Variants in ASAP1 observed in about 807,000 individuals in gnomAD.
ASAP1 encodes the protein ArfGAP with SH3 domain, ankyrin repeat and PH domain 1.
In ASAP1, 43 loss-of-function variants were observed where a neutral mutation model predicts 145.2. The observed-to-expected ratio is 0.30, with a 90% CI of 0.23 to 0.38. The LOEUF is 0.38. ASAP1 is among the 10% of genes least tolerant of loss of function. The probability of loss-of-function intolerance (pLI) is 1.00; values close to 1 mark genes in which losing one functional copy is unlikely to be tolerated. For missense variants in ASAP1, 1,018 were observed against 1,355.3 expected (o/e 0.75, Z 3.91); for synonymous variants, 546 against 515.5 (o/e 1.06, Z -0.80).
intron 3 of ASAP1, among the ~76,000 whole-genome samples, chr8:130,257,973 T>C (rs1244018801): frequency 6.6e-6 from 1 of 152,216 alleles, no homozygotes; most frequent in Admixed American, 6.5e-5. Flanking sequence ...ATAATATCTT[T>C]TGTAAATTTG....
intron 5 of ASAP1, among the ~76,000 whole-genome samples, chr8:130,193,454 C>A (rs888924300): frequency 6.6e-6 from 1 of 151,904 alleles, no homozygotes; most frequent in Non-Finnish European, 1.5e-5. Flanking sequence ...ACACAGAAAT[C>A]TGTTGATACC....
chr8:130,400,755 C>T (rs1289438435), intron 2 of ASAP1, among the ~76,000 whole-genome samples: 1 of 147,006 alleles, frequency 6.8e-6, no homozygotes, highest in South Asian at 2.1e-4. Context: ...AGCGCCACTG[C>T]GCTCCAGCCT....
At chr8:130,424,595 C>T (rs1047046550) in intron 1 of ASAP1, among the ~76,000 whole-genome samples, 18 of 152,266 alleles carry the variant, frequency 1.2e-4, no homozygotes, top group Middle Eastern at 3.4e-3. Context: ...CACTGCCCTT[C>T]TCAGCAGGTG....
chr8:130,193,615 C>T (rs901138178), intron 5 of ASAP1, among the ~76,000 whole-genome samples: 3 of 151,942 alleles, frequency 2.0e-5, no homozygotes, highest in Admixed American at 6.6e-5. Flanking sequence ...ATAAATAACC[C>T]CTTTTCAACT....
chr8:130,324,117 C>T lies in ASAP1; in HGVS notation c.186+33900G>A, dbSNP rs561379573. 2.6e-5 allele frequency among the ~76,000 whole-genome samples: 4 copies of T among 152,230 alleles called. No individual in the cohort carries two copies. In the South Asian group the frequency reaches 8.3e-4, roughly 32 times the overall value. ...AGTCAATCATCAAATCAGTAGAAGC[C>T]AACTTTCTGTAAAGGGCCTGTGAGT... On this transcript the variant is annotated intron_variant, in intron 3 of 29. Coordinates refer to ENST00000518721, the MANE Select transcript of ASAP1 (RefSeq NM_018482.4).
chr8:130,226,730 G>A (rs2136556232), intron 4 of ASAP1, among the ~76,000 whole-genome samples: 1 of 152,288 alleles, frequency 6.6e-6, no homozygotes, highest in Admixed American at 6.5e-5. Flanking sequence ...GTTCCACAGG[G>A]CTATTACTCA....
chr8:130,206,609 C>T (rs555653154), intron 5 of ASAP1, among the ~76,000 whole-genome samples: 1 of 152,172 alleles, frequency 6.6e-6, no homozygotes, highest in Non-Finnish European at 1.5e-5. Context: ...AGCTCTTATG[C>T]AAGCTATAGA....
chr8:130,073,288 G>A (rs534551016), intron 27 of ASAP1, among the ~76,000 whole-genome samples: 73 of 152,076 alleles, frequency 4.8e-4, no homozygotes, highest in South Asian at 2.7e-3. Flanking sequence ...TACTTGGGAG[G>A]CCGAGGCAGG....
chr8:130,195,638 C>T (rs983914388), intron 5 of ASAP1, among the ~76,000 whole-genome samples: 1 of 152,134 alleles, frequency 6.6e-6, no homozygotes, highest in Non-Finnish European at 1.5e-5. Flanking sequence ...CCTGCTAGTA[C>T]ATACATCAAG....
At chr8:130,170,713 G>C (rs1002420923) in intron 9 of ASAP1, among the ~76,000 whole-genome samples, 5 of 151,958 alleles carry the variant, frequency 3.3e-5, no homozygotes, top group African/African-American at 1.2e-4. Flanking sequence ...AAAAATACAT[G>C]AACACATGTA....
chr8:130,168,617 CAAAA>C (rs957978479), intron 10 of ASAP1, among the ~76,000 whole-genome samples: 6 of 152,048 alleles, frequency 3.9e-5, no homozygotes, highest in Non-Finnish European at 7.4e-5. Flanking sequence ...AACAAACAAA[CAAAA>C]ACCCCAAAAA....
At chr8:130,411,658 G>A (rs1829270700) in intron 1 of ASAP1, among the ~76,000 whole-genome samples, 1 of 152,192 alleles carries the variant, frequency 6.6e-6, no homozygotes, top group Non-Finnish European at 1.5e-5. Flanking sequence ...GGAAAAAAAG[G>A]AAGTTGTATA....
At chr8:130,172,689 G>C (rs1201188680) in intron 9 of ASAP1, among the ~76,000 whole-genome samples, 1 of 152,158 alleles carries the variant, frequency 6.6e-6, no homozygotes. Context: ...ATAGCAGAAA[G>C]TTCTACTGGA....
intron 2 of ASAP1, among the ~76,000 whole-genome samples, chr8:130,372,425 G>C (rs1827254731): frequency 6.6e-6 from 1 of 152,156 alleles, no homozygotes; most frequent in Non-Finnish European, 1.5e-5. Context: ...ACAGCAATGG[G>C]CTTGCCACAG....
At chr8:130,167,510 C>A in intron 11 of ASAP1, 26 bp downstream of exon 11, 1 of 1,582,994 alleles carries the variant, frequency 6.3e-7, no homozygotes, top group Non-Finnish European at 8.7e-7. Flanking sequence ...ACTGTTAGCC[C>A]TGTTGTAAAC....
At chr8:130,302,275 C>A (rs1030130063) in intron 3 of ASAP1, among the ~76,000 whole-genome samples, 1 of 152,136 alleles carries the variant, frequency 6.6e-6, no homozygotes, top group Non-Finnish European at 1.5e-5. Context: ...TGGAAACCAG[C>A]CAGGGCTGCT....
At chr8:130,197,643 T>C (rs1175808421) in intron 5 of ASAP1, among the ~76,000 whole-genome samples, 6 of 152,210 alleles carry the variant, frequency 3.9e-5, no homozygotes, top group African/African-American at 1.4e-4. Context: ...CTGACACTAC[T>C]GTAGGGCAAG....
intron 3 of ASAP1, among the ~76,000 whole-genome samples, chr8:130,251,357 G>A (rs1163825710): frequency 6.6e-6 from 1 of 152,154 alleles, no homozygotes; most frequent in Non-Finnish European, 1.5e-5. Flanking sequence ...GGAGGAGGCT[G>A]AAGTGAGATG....
chr8:130,129,385 G>T (rs1280619626), intron 15 of ASAP1, among the ~76,000 whole-genome samples: 1 of 152,134 alleles, frequency 6.6e-6, no homozygotes, highest in Non-Finnish European at 1.5e-5. Context: ...ATTTTCTATA[G>T]AAAACAACTG....
Sources: gnomAD v4.1 joint callset for allele counts (sites outside exome capture counted in the v4.1 genomes callset) on GRCh38, gnomAD v4.1.1 for gene constraint, MANE v1.5 for transcripts, NCBI Gene and HGNC (gene_info 2026-07-23, HGNC 2026-07-21) for gene names.